The following PTGES variants were observed in gnomAD, a reference collection of about 807,000 sequenced individuals.
PTGES encodes prostaglandin E synthase.
In PTGES, 3 loss-of-function variants were observed where a neutral mutation model predicts 11.8. The ratio of observed to expected loss-of-function variants is 0.25; its 90% CI spans 0.12 to 0.66. PTGES has a LOEUF of 0.66. PTGES is among the 30% of genes least tolerant of loss of function. PTGES has a pLI of 0.82. For synonymous variants in PTGES, 94 were observed against 90.4 expected (o/e 1.04, Z -0.22); for missense variants, 180 against 213.0 (o/e 0.85, Z 0.96).
At chr9:129,741,802 G>A (rs548867708) in intron 2 of PTGES, among the ~76,000 whole-genome samples, 1 of 152,278 alleles carries the variant, frequency 6.6e-6, no homozygotes, top group East Asian at 1.9e-4. Flanking sequence ...CTACTCGGGA[G>A]GCTGAGGCAG....
chr9:129,751,637 C>T (rs897342260), intron 1 of PTGES, among the ~76,000 whole-genome samples: 4 of 151,992 alleles, frequency 2.6e-5, no homozygotes, highest in African/African-American at 9.7e-5. Flanking sequence ...AGAGATCATG[C>T]CGCTGCACTC....
intron 1 of PTGES, 47 bp from the exon 2 acceptor site, chr9:129,748,784 A>G: frequency 6.7e-7 from 1 of 1,483,982 alleles, no homozygotes; most frequent in Non-Finnish European, 9.2e-7. Context: ...CAAACGGCCC[A>G]GTCACCTGGG....
rs200636810 is a variant in PTGES, at chr9:129,738,818, G to A, written c.*793C>T. ...GGTCCCCTGGCCTGGCCATCACAGG[G>A]ACTCACATGGGAGCCTTTTAAAACT... is the stretch of plus-strand genomic sequence containing the variant. On this transcript the variant is annotated 3_prime_UTR_variant, in exon 3 of 3. Coordinates refer to ENST00000340607, the MANE Select transcript of PTGES (RefSeq NM_004878.5). This position sits in a 1 kb window ranked among gnomAD's most constrained non-coding sequence, Gnocchi z 4.2. 6.6e-6 allele frequency: 1 copy of A among 152,228 alleles called. No individual in the cohort carries two copies. The highest frequency in any genetic ancestry group is 1.5e-5 in the Non-Finnish European group (1 of 68,104). 9.4% of individuals were successfully genotyped at this position (152,228 alleles called of 1,614,324 possible).
chr9:129,751,814 C>T (rs966543497), intron 1 of PTGES, among the ~76,000 whole-genome samples: 7 of 152,150 alleles, frequency 4.6e-5, no homozygotes, highest in Non-Finnish European at 7.4e-5. Flanking sequence ...ATGACTATGG[C>T]GCCTCCCCTG....
At position 129,739,728 on chromosome 9, in the gene PTGES, G is replaced by C. The variant is rs199741212; in HGVS notation, c.342C>G (p.Thr114=). 1 of 1,579,520 alleles carries C rather than the reference G, an allele frequency of 6.3e-7. No homozygotes were observed. The highest frequency in any genetic ancestry group is 1.3e-5 in the African/African-American group (1 of 74,206). ...LVFLVGRVAH[T]VAYLGKLRAP... Reference sequence around the variant, plus strand: ...CCCGCAGCTTCCCCAGGTAGGCCACGGTGTGTGCCACACGGCCCACGAGGA... The same window carrying C: ...CCCGCAGCTTCCCCAGGTAGGCCACCGTGTGTGCCACACGGCCCACGAGGA... The change falls in exon 3 of 3, where the codon ACC becomes ACG. Residue 114 remains threonine, a synonymous_variant. Transcript: ENST00000340607. The surrounding 1 kb of genome is among the most constrained non-coding windows in gnomAD (Gnocchi z 5.7).
intron 2 of PTGES, among the ~76,000 whole-genome samples, chr9:129,747,746 A>G (rs1215185974): frequency 6.6e-6 from 1 of 152,134 alleles, no homozygotes; most frequent in South Asian, 2.1e-4. Context: ...GCGGTGGCTC[A>G]TGCCTGTAAT....
intron 2 of PTGES, among the ~76,000 whole-genome samples, chr9:129,748,215 T>TAAAA (rs67000610): frequency 1.8e-4 from 13 of 71,012 alleles, no homozygotes; most frequent in Middle Eastern, 0.011. Flanking sequence ...GTTGCCATAT[T>TAAAA]AAAAAAAAAA....
At chr9:129,744,380 A>G (rs1159920437) in intron 2 of PTGES, among the ~76,000 whole-genome samples, 1 of 152,050 alleles carries the variant, frequency 6.6e-6, no homozygotes, top group Non-Finnish European at 1.5e-5. Flanking sequence ...AATCAGCCTG[A>G]GCAACATAGC....
At position 129,739,960 on chromosome 9, in the gene PTGES, G is replaced by T; in HGVS notation, c.210-100C>A. The T allele has an allele frequency of 7.1e-7, 1 of 1,405,636 alleles. No individual in the cohort carries two copies. The highest frequency in any genetic ancestry group is 9.5e-7 in the Non-Finnish European group (1 of 1,047,592). 87.1% of individuals were successfully genotyped at this position (1,405,636 alleles called of 1,614,324 possible). On this transcript the variant is annotated intron_variant, in intron 2 of 2. Transcript: ENST00000340607. The surrounding 1 kb of genome is among the most constrained non-coding windows in gnomAD (Gnocchi z 5.7). The stretch of plus-strand genomic sequence containing the variant: ...AGCTGGGGGTGCTTTGACCCACTGG[G>T]GGTCATTTCAGGCATATCACACACT...
chr9:129,745,973 G>T lies in PTGES; in HGVS notation c.209+2682C>A, dbSNP rs1281614378. On this transcript the variant is annotated intron_variant, in intron 2 of 2. Transcript: ENST00000340607. The surrounding 1 kb of genome is among the most constrained non-coding windows in gnomAD (Gnocchi z 4.2). ...TGCTCGAACCCGGGAGGCAGAGGTTGCAGAGAGCCGAGATCGTGCCATTGC... is the reference window on the plus strand; with the variant it reads ...TGCTCGAACCCGGGAGGCAGAGGTTTCAGAGAGCCGAGATCGTGCCATTGC... Among the ~76,000 whole-genome samples, 1 of 151,834 alleles carries T rather than the reference G, an allele frequency of 6.6e-6. No homozygotes were observed. The highest frequency in any genetic ancestry group is 6.6e-5 in the Admixed American group (1 of 15,224).
Position 129,739,856 on chromosome 9 carries a change from G to T in PTGES, c.214C>A (p.His72Asn). ...DPDVERCLRA[H>N]RNDMETIYPF... ...TAGATGGTCTCCATGTCGTTCCGGT[G>T]GGCCCTGGGGAGACAAGAGGGGTGC... Residue 72 changes from histidine to asparagine, a missense_variant, in exon 3 of 3, where the codon CAC (histidine) becomes AAC (asparagine). Transcript: ENST00000340607. The surrounding 1 kb of genome is among the most constrained non-coding windows in gnomAD (Gnocchi z 5.7). 6.4e-7 allele frequency: 1 copy of T among 1,566,630 alleles called. No homozygotes were observed. Among genetic ancestry groups the T allele is most frequent in the Non-Finnish European group, 8.7e-7 (1 of 1,155,092 alleles).
Position 129,739,715 on chromosome 9 carries a change from C to G in PTGES, c.355G>C (p.Gly119Arg), listed in dbSNP as rs1256808823. 2 of 1,575,850 alleles carry G rather than the reference C, an allele frequency of 1.3e-6. No homozygotes were observed. Among genetic ancestry groups the G allele is most frequent in the Non-Finnish European group, 1.7e-6 (2 of 1,160,656 alleles). The change falls in exon 3 of 3, where the codon GGG becomes CGG. Residue 119 changes from glycine (G) to arginine (R), a missense_variant. Transcript: ENST00000340607. The surrounding 1 kb of genome is among the most constrained non-coding windows in gnomAD (Gnocchi z 5.7). ...GRVAHTVAYL[G>R]KLRAPIRSVT... ...GAGCGGATGGGTGCCCGCAGCTTCC[C>G]CAGGTAGGCCACGGTGTGTGCCACA... is the stretch of plus-strand genomic sequence containing the variant.
Position 129,739,635 on chromosome 9 carries a change from G to C in PTGES, c.435C>G (p.Leu145=). 6.4e-7 allele frequency: 1 copy of C among 1,552,724 alleles called. No individual in the cohort carries two copies. The highest frequency in any genetic ancestry group is 1.2e-5 in the South Asian group (1 of 84,158). Residue 145 remains leucine, a synonymous_variant, in exon 3 of 3, where the codon CTC becomes CTG. Transcript: ENST00000340607. The surrounding 1 kb of genome is among the most constrained non-coding windows in gnomAD (Gnocchi z 5.7). ...GTCACAGGTGGCGGGCCGCTTCCCA[G>C]AGGATCTGCAGAGCCATGGAGGCGC... The part of the protein sequence containing the change: ...LPCASMALQI[L]WEAARHL
At chr9:129,752,731 G>A (rs1271644003) in intron 1 of PTGES, among the ~76,000 whole-genome samples, 156 bp downstream of exon 1, 2 of 152,234 alleles carry the variant, frequency 1.3e-5, no homozygotes, top group African/African-American at 4.8e-5. Context: ...CTGACACGTG[G>A]GACTGGCAGG....
chr9:129,739,592 A>T lies in PTGES; in HGVS notation c.*19T>A, dbSNP rs1413423281. On this transcript the variant is annotated 3_prime_UTR_variant, in exon 3 of 3. Transcript: ENST00000340607. The surrounding 1 kb of genome is among the most constrained non-coding windows in gnomAD (Gnocchi z 5.7). ...CTCTTGGCCCATGGTCTGGTGGCCAAGGAGGCATCAGCTGCTGGTCACAGG... is the reference window on the plus strand; with the variant it reads ...CTCTTGGCCCATGGTCTGGTGGCCATGGAGGCATCAGCTGCTGGTCACAGG... The T allele has an allele frequency of 3.2e-6, 5 of 1,546,810 alleles. No homozygotes were observed. The highest frequency in any genetic ancestry group is 4.4e-6 in the Non-Finnish European group (5 of 1,144,884).
rs555140547 is a variant in PTGES, at chr9:129,739,231, A to G, written c.*380T>C. ...AGTCTGCATTCTTAGCCCGGGATTC[A>G]GATGATCATTAGGTTTGGGAATCTT... On this transcript the variant is annotated 3_prime_UTR_variant, in exon 3 of 3. Transcript: ENST00000340607. The surrounding 1 kb of genome is among the most constrained non-coding windows in gnomAD (Gnocchi z 5.7). The G allele has an allele frequency of 1.6e-5, 3 of 182,570 alleles. No homozygotes were observed. Among genetic ancestry groups the G allele is most frequent in the East Asian group, 3.1e-4 (2 of 6,468 alleles). 11.3% of individuals were successfully genotyped at this position (182,570 alleles called of 1,614,324 possible). A position where few individuals can be genotyped will look rare whatever the true frequency, so the allele number is the denominator to read the frequency against.
At chr9:129,747,651 A>T (rs986334054) in intron 2 of PTGES, among the ~76,000 whole-genome samples, 1 of 152,192 alleles carries the variant, frequency 6.6e-6, no homozygotes, top group Non-Finnish European at 1.5e-5. Flanking sequence ...CTCCCACACC[A>T]GTAGTGGGAC....
chr9:129,741,898 T>G (rs764952364), intron 2 of PTGES, among the ~76,000 whole-genome samples: 8 of 150,064 alleles, frequency 5.3e-5, no homozygotes, highest in Non-Finnish European at 1.2e-4. Flanking sequence ...AGAGGGAAAC[T>G]CCCTCTCAAA....
In PTGES at chr9:129,752,928, C is replaced by T. The variant is rs867867840; in HGVS notation, c.85G>A (p.Val29Met). The T allele has an allele frequency of 1.9e-6, 3 of 1,613,734 alleles. No individual in the cohort carries two copies. The South Asian group carries it at 3.3e-5, about 18-fold the overall frequency. The change falls in exon 1 of 3, where the codon GTG becomes ATG. Residue 29 changes from valine (V) to methionine (M), a missense_variant. Physicochemically the swap from Val to Met is conservative, Grantham distance 21. Transcript: ENST00000340607. Reference sequence around the variant, plus strand: ...ACTTGGCCCGTGATGATGGCCACCACGTACATCTTGATGACCAGCAGCGTG... The same window carrying T: ...ACTTGGCCCGTGATGATGGCCACCATGTACATCTTGATGACCAGCAGCGTG... ...CSTLLVIKMYVVAIITGQVRL... is the reference protein window; with the variant it reads ...CSTLLVIKMYMVAIITGQVRL...
Sources: allele counts gnomAD v4.1 joint callset (sites outside exome capture counted in the v4.1 genomes callset), GRCh38; gene constraint gnomAD v4.1.1; non-coding constraint Gnocchi (gnomAD v3.1); transcripts MANE v1.5; gene names NCBI Gene and HGNC (gene_info 2026-07-23, HGNC 2026-07-21).